The following NOL4 variants were observed in gnomAD, a reference collection of about 807,000 sequenced individuals.
The protein encoded by NOL4 is cancer/testis antigen 125.
Under a neutral mutation model 75.9 loss-of-function variants are expected in NOL4, and 17 were observed. The observed-to-expected ratio is 0.22, with a 90% CI of 0.15 to 0.34. The LOEUF (loss-of-function observed/expected upper bound fraction) is 0.34, where lower values mean the gene tolerates loss of function less well. Ranked by LOEUF, NOL4 falls within the 10% of genes least tolerant of loss-of-function variation. The probability of loss-of-function intolerance (pLI) is 1.00; values close to 1 mark genes in which losing one functional copy is unlikely to be tolerated. For missense variants in NOL4, 614 were observed against 793.5 expected (o/e 0.77, Z 2.72); for synonymous variants, 292 against 289.9 (o/e 1.01, Z -0.07).
At chr18:34,101,086 T>C (rs2145636364) in intron 4 of NOL4, among the ~76,000 whole-genome samples, 1 of 152,310 alleles carries the variant, frequency 6.6e-6, no homozygotes, top group South Asian at 2.1e-4. Context: ...TCACCTCTTT[T>C]CACTACCTAA....
At chr18:33,881,945 G>A (rs1000119879) in intron 10 of NOL4, among the ~76,000 whole-genome samples, 13 of 152,106 alleles carry the variant, frequency 8.5e-5, no homozygotes, top group African/African-American at 2.7e-4. Context: ...AGAAAAACAA[G>A]CAATGGGGAA....
At chr18:33,868,094 G>A (rs1013705062) in intron 10 of NOL4, among the ~76,000 whole-genome samples, 1 of 151,022 alleles carries the variant, frequency 6.6e-6, no homozygotes, top group Non-Finnish European at 1.5e-5. Context: ...CTCAGGTGGA[G>A]TGACATGATC....
At chr18:34,129,548 T>C (rs1481572810) in intron 2 of NOL4, among the ~76,000 whole-genome samples, 1 of 151,590 alleles carries the variant, frequency 6.6e-6, no homozygotes, top group Non-Finnish European at 1.5e-5. Flanking sequence ...CCATAATTCA[T>C]ATGCTATGAC....
intron 5 of NOL4, among the ~76,000 whole-genome samples, chr18:34,049,063 T>C (rs1020946185): frequency 7.6e-6 from 1 of 132,092 alleles, no homozygotes; most frequent in Non-Finnish European, 1.6e-5. Context: ...GAAGGTTAGA[T>C]ACAGGCGCGC....
chr18:33,925,292 T>A (rs1294677491), intron 9 of NOL4, among the ~76,000 whole-genome samples: 1 of 152,164 alleles, frequency 6.6e-6, no homozygotes, highest in Non-Finnish European at 1.5e-5. Flanking sequence ...TTTCAACAAA[T>A]TTTGTAGCTA....
chr18:34,050,380 T>C (rs1600398918), intron 5 of NOL4, among the ~76,000 whole-genome samples: 1 of 152,268 alleles, frequency 6.6e-6, no homozygotes, highest in East Asian at 1.9e-4. Flanking sequence ...TCAACCAGAA[T>C]TATTTCTAAA....
intron 5 of NOL4, among the ~76,000 whole-genome samples, chr18:34,046,607 CATATAT>C (rs35281852): frequency 0.068 from 5,594 of 81,706 alleles, 373 homozygotes; most frequent in South Asian, 0.15. Context: ...TTTACTTATA[CATATAT>C]ATATATATAT....
chr18:33,884,279 T>C (rs2064498451), intron 9 of NOL4, among the ~76,000 whole-genome samples: 2 of 152,122 alleles, frequency 1.3e-5, no homozygotes, highest in African/African-American at 4.8e-5. Context: ...TGTGTGTGTC[T>C]TTCTCTTTTT....
chr18:34,034,905 A>G (rs1222095472), intron 5 of NOL4, among the ~76,000 whole-genome samples: 1 of 152,172 alleles, frequency 6.6e-6, no homozygotes, highest in Non-Finnish European at 1.5e-5. Flanking sequence ...TAGAGGATAT[A>G]AACATTCTAA....
chr18:33,981,930 G>T (rs1284455135), intron 6 of NOL4, among the ~76,000 whole-genome samples: 1 of 151,974 alleles, frequency 6.6e-6, no homozygotes, highest in African/African-American at 2.4e-5. Flanking sequence ...GGAGTATTTC[G>T]TTATAGGGTA....
At chr18:33,862,675 C>A (rs1053487923) in intron 10 of NOL4, among the ~76,000 whole-genome samples, 1 of 152,212 alleles carries the variant, frequency 6.6e-6, no homozygotes, top group Non-Finnish European at 1.5e-5. Context: ...AAAAAATGCT[C>A]ACCATCACTG....
intron 10 of NOL4, among the ~76,000 whole-genome samples, chr18:33,880,643 T>C (rs1485775531): frequency 6.6e-6 from 1 of 152,052 alleles, no homozygotes; most frequent in Non-Finnish European, 1.5e-5. Flanking sequence ...TGTTGTTTCA[T>C]TTTGTATGTT....
At chr18:34,196,344 C>A (rs2035329226) in intron 1 of NOL4, among the ~76,000 whole-genome samples, 1 of 152,136 alleles carries the variant, frequency 6.6e-6, no homozygotes, top group Admixed American at 6.6e-5. Context: ...CTGCTGACAA[C>A]ATTATATGAC....
At chr18:33,990,938 C>T (rs1002477824) in intron 6 of NOL4, among the ~76,000 whole-genome samples, 14 of 151,978 alleles carry the variant, frequency 9.2e-5, no homozygotes, top group Admixed American at 5.9e-4. Flanking sequence ...TTTAAAAATA[C>T]AAAATCTGAA....
intron 4 of NOL4, among the ~76,000 whole-genome samples, chr18:34,096,687 C>A (rs1018117983): frequency 3.9e-5 from 6 of 152,120 alleles, no homozygotes; most frequent in Non-Finnish European, 8.8e-5. Flanking sequence ...TTATTTCTTA[C>A]ATGACTAAAA....
chr18:34,071,350 C>A (rs896497271), intron 5 of NOL4, among the ~76,000 whole-genome samples: 5 of 151,474 alleles, frequency 3.3e-5, no homozygotes, highest in African/African-American at 1.2e-4. Context: ...CCCAGACAAC[C>A]ACTAAAAAAA....
intron 2 of NOL4, among the ~76,000 whole-genome samples, chr18:34,125,695 AC>A (rs1389158877): frequency 1.3e-5 from 2 of 152,194 alleles, no homozygotes; most frequent in Non-Finnish European, 2.9e-5. Flanking sequence ...TGAATATGTT[AC>A]TATTCTACAG....
chr18:33,906,150 C>T lies in NOL4; in HGVS notation c.1543-22726G>A, dbSNP rs551419591. 2.0e-5 allele frequency among the ~76,000 whole-genome samples: 3 copies of T among 152,108 alleles called. No individual in the cohort carries two copies. The South Asian group carries it at 6.2e-4, about 32-fold the overall frequency. Reference sequence around the variant, plus strand: ...ATAACAGTTCCTTATGAAAACTAACCCAGAAGATAAAAATAGTGTACCCAC... The same window carrying T: ...ATAACAGTTCCTTATGAAAACTAACTCAGAAGATAAAAATAGTGTACCCAC... On this transcript the variant is annotated intron_variant, in intron 9 of 10. Transcript: ENST00000261592.
intron 6 of NOL4, among the ~76,000 whole-genome samples, chr18:34,000,507 T>C (rs1341123817): frequency 6.6e-6 from 1 of 152,080 alleles, no homozygotes; most frequent in Non-Finnish European, 1.5e-5. Flanking sequence ...TTTCCTCCCA[T>C]AGTTCTTTAT....
Sources: allele counts gnomAD v4.1 joint callset (sites outside exome capture counted in the v4.1 genomes callset), GRCh38; gene constraint gnomAD v4.1.1; transcripts MANE v1.5; gene names NCBI Gene and HGNC (gene_info 2026-07-23, HGNC 2026-07-21).